CD44: variants seen among roughly 807,000 people sequenced by gnomAD.
CD44 encodes CD44 molecule (IN blood group).
In CD44, 49 loss-of-function variants were observed where a neutral mutation model predicts 88.8. That is an observed-to-expected ratio of 0.55 (90% CI 0.44 to 0.70). The LOEUF (loss-of-function observed/expected upper bound fraction) is 0.70. Ranked by LOEUF, CD44 falls within the 30% of genes least tolerant of loss-of-function variation. CD44 has a pLI of 0.00. For missense variants in CD44, 883 were observed against 913.8 expected (o/e 0.97, Z 0.43); for synonymous variants, 325 against 312.3 (o/e 1.04, Z -0.43).
chr11:35,173,135 CAA>C, intron 1 of CD44, among the ~76,000 whole-genome samples: 1 of 152,328 alleles, frequency 6.6e-6, no homozygotes. Flanking sequence ...CATTGAGCTC[CAA>C]TTATTGTCCA....
At chr11:35,176,786 A>T in intron 2 of CD44, 46 bp downstream of exon 2, 1 of 1,580,528 alleles carries the variant, frequency 6.3e-7, no homozygotes, top group Non-Finnish European at 8.6e-7. Context: ...GCGGCCTGGG[A>T]CCAGGCAGCT....
At chr11:35,218,431 C>A (rs1373214579) in intron 15 of CD44, among the ~76,000 whole-genome samples, 2 of 152,036 alleles carry the variant, frequency 1.3e-5, no homozygotes, top group East Asian at 3.9e-4. Flanking sequence ...TGGGTTCAAG[C>A]AATTCTCCTG....
chr11:35,141,379 G>A (rs1004397225), intron 1 of CD44, among the ~76,000 whole-genome samples: 1 of 152,244 alleles, frequency 6.6e-6, no homozygotes, highest in Non-Finnish European at 1.5e-5. Flanking sequence ...AGGGACTGGA[G>A]CTCAAATAAG....
intron 1 of CD44, among the ~76,000 whole-genome samples, chr11:35,175,338 C>T (rs2133613413): frequency 6.6e-6 from 1 of 152,198 alleles, no homozygotes; most frequent in South Asian, 2.1e-4. Context: ...GGAGAGATCA[C>T]TTGATTGTGA....
intron 17 of CD44, among the ~76,000 whole-genome samples, chr11:35,226,372 A>G (rs1285377647): frequency 6.6e-6 from 1 of 152,232 alleles, no homozygotes; most frequent in Non-Finnish European, 1.5e-5. Flanking sequence ...AATGGGAATT[A>G]CTTTAACTAG....
intron 17 of CD44, among the ~76,000 whole-genome samples, chr11:35,226,383 A>G (rs1237062788): frequency 6.6e-6 from 1 of 152,222 alleles, no homozygotes; most frequent in East Asian, 1.9e-4. Context: ...CTTTAACTAG[A>G]CAACTTTCCT....
In CD44 at chr11:35,139,276, C is replaced by T. The variant is rs957164193; in HGVS notation, c.-28C>T. 1.4e-5 allele frequency: 21 copies of T among 1,549,032 alleles called. No homozygotes were observed. Among genetic ancestry groups the T allele is most frequent in the Middle Eastern group, 1.7e-4 (1 of 5,954 alleles). On this transcript the variant is annotated 5_prime_UTR_variant, in exon 1 of 18. Transcript: ENST00000428726. ...CCCAGGGATCCTCCAGCTCCTTTCG[C>T]CCGCGCCCTCCGTTCGCTCCGGACA... is the stretch of plus-strand genomic sequence containing the variant.
intron 10 of CD44, among the ~76,000 whole-genome samples, chr11:35,205,287 A>G (rs1947720489): frequency 1.3e-5 from 2 of 152,242 alleles, no homozygotes; most frequent in Non-Finnish European, 2.9e-5. Context: ...TCTGTGTGAC[A>G]TAAGTATTAA....
chr11:35,153,209 G>C (rs905128704), intron 1 of CD44, among the ~76,000 whole-genome samples: 5 of 152,176 alleles, frequency 3.3e-5, no homozygotes, highest in African/African-American at 7.2e-5. Context: ...CGATAAAGGA[G>C]AGGACACTAA....
chr11:35,143,714 G>T (rs1858476739), intron 1 of CD44, among the ~76,000 whole-genome samples: 1 of 141,024 alleles, frequency 7.1e-6, no homozygotes, highest in African/African-American at 3.0e-5. Context: ...GTGGACTCTT[G>T]GCTGCCCTGC....
chr11:35,211,411 T>C lies in CD44; in HGVS notation c.1772T>C (p.Val591Ala). The C allele has an allele frequency of 1.2e-6, 2 of 1,613,988 alleles. No homozygotes were observed. The highest frequency in any genetic ancestry group is 8.5e-7 in the Non-Finnish European group (1 of 1,179,898). ...TCCTTTGGAGTTACTGCAGTTACTG[T>C]TGGAGATTCCAACTCTAATGTCAAT... ...TGSFGVTAVTVGDSNSNVNRS... is the reference protein window; with the variant it reads ...TGSFGVTAVTAGDSNSNVNRS... Residue 591 changes from valine to alanine, a missense_variant, in exon 14 of 18, where the codon GTT becomes GCT. Physicochemically the swap from Val to Ala is moderately conservative, Grantham distance 64 (BLOSUM62 0). Coordinates refer to ENST00000428726, the MANE Select transcript of CD44 (RefSeq NM_000610.4).
intron 15 of CD44, among the ~76,000 whole-genome samples, chr11:35,217,120 C>A (rs1948890668): frequency 6.6e-6 from 1 of 152,112 alleles, no homozygotes. Context: ...TCACATCCAT[C>A]TTCTGTGGCT....
At chr11:35,202,329 C>G (rs1947394812) in intron 9 of CD44, among the ~76,000 whole-genome samples, 1 of 151,934 alleles carries the variant, frequency 6.6e-6, no homozygotes, top group African/African-American at 2.4e-5. Flanking sequence ...GTTTTTAAGC[C>G]CATGGTAACT....
chr11:35,189,038 G>C (rs1946004212), intron 4 of CD44, among the ~76,000 whole-genome samples: 1 of 152,150 alleles, frequency 6.6e-6, no homozygotes, highest in Non-Finnish European at 1.5e-5. Context: ...TCATCTAAAT[G>C]CACACCTGCA....
rs1183824432 is a variant in CD44 at position 35,206,129 on chromosome 11, A to C, written c.1300A>C (p.Ser434Arg). 1.9e-6 allele frequency: 3 copies of C among 1,610,570 alleles called. No individual in the cohort carries two copies. Among genetic ancestry groups the C allele is most frequent in the Non-Finnish European group, 2.5e-6 (3 of 1,178,484 alleles). ...GGTCACAGCAGCCTCAGCTCATACC[A>C]GCCATCCAATGCAAGGAAGGACAAC... ...TGTAAASAHT[S>R]HPMQGRTTPS... is the part of the protein sequence containing the mutation. The change falls in exon 11 of 18, where the codon AGC becomes CGC. Residue 434 changes from serine to arginine, a missense_variant. Ser to Arg is a moderately radical substitution (Grantham distance 110). This residue lies in a region of CD44 where 631 missense variants were observed against 590.9 expected (regional missense o/e 1.07). Transcript: ENST00000428726.
chr11:35,219,344 A>G lies in CD44; in HGVS notation c.1902A>G (p.Gly634=). ...DGHSHGSQEG[G]ANTTSGPIRT... ...ACTCACATGGGAGTCAAGAAGGTGG[A>G]GCAAACACAACCTCTGGTCCTATAA... is the stretch of plus-strand genomic sequence containing the variant. Residue 634 remains glycine (G), a synonymous_variant, in exon 16 of 18, where the codon GGA becomes GGG. Transcript: ENST00000428726. 1 of 1,613,902 alleles carries G rather than the reference A, an allele frequency of 6.2e-7. No individual in the cohort carries two copies. The highest frequency in any genetic ancestry group is 8.5e-7 in the Non-Finnish European group (1 of 1,179,870).
At chr11:35,228,929 A>C (rs1949908137) in intron 17 of CD44, among the ~76,000 whole-genome samples, 200 bp from the exon 18 acceptor site, 1 of 152,134 alleles carries the variant, frequency 6.6e-6, no homozygotes, top group African/African-American at 2.4e-5. Context: ...CACTTTGAGG[A>C]GTGCTGGTTG....
chr11:35,145,443 G>T (rs1043633565), intron 1 of CD44, among the ~76,000 whole-genome samples: 2 of 152,126 alleles, frequency 1.3e-5, no homozygotes, highest in Non-Finnish European at 2.9e-5. Flanking sequence ...CCCACCACAG[G>T]CCTCATGTTT....
chr11:35,205,947 C>G (rs1413972104), intron 10 of CD44, 165 bp from the exon 11 acceptor site: 1 of 1,277,918 alleles, frequency 7.8e-7, no homozygotes, highest in Non-Finnish European at 9.9e-7. Flanking sequence ...GAACCCAAAG[C>G]TGCTGAAACA....
Sources: gnomAD v4.1 joint callset for allele counts (sites outside exome capture counted in the v4.1 genomes callset) on GRCh38, gnomAD v4.1.1 for gene constraint, gnomAD v4.1.1 regional missense constraint, MANE v1.5 for transcripts, NCBI Gene and HGNC (gene_info 2026-07-23, HGNC 2026-07-21) for gene names.